AUTS2: variants seen among roughly 807,000 people sequenced by gnomAD.
AUTS2 encodes the protein activator of transcription and developmental regulator AUTS2, also known as autism susceptibility gene 2 protein.
Under a neutral mutation model 112.4 loss-of-function variants are expected in AUTS2, and 17 were observed. The observed-to-expected ratio is 0.15, with a 90% CI of 0.10 to 0.23. AUTS2 has a LOEUF of 0.23. AUTS2 is among the 10% of genes least tolerant of loss of function. The pLI is 1.00. For synonymous variants in AUTS2, 751 were observed against 702.7 expected, an observed-to-expected ratio of 1.07 and a Z score of -1.09; for missense variants, 1,510 against 1,701.6, an observed-to-expected ratio of 0.89 and a Z score of 1.98.
At chr7:70,154,705 A>G (rs1181582011) in intron 4 of AUTS2, among the ~76,000 whole-genome samples, 1 of 152,234 alleles carries the variant, frequency 6.6e-6, no homozygotes, top group Non-Finnish European at 1.5e-5. Flanking sequence ...TGCCACTGGC[A>G]TGAACCATGA....
At chr7:69,630,372 C>T (rs547984116) in intron 1 of AUTS2, among the ~76,000 whole-genome samples, 145 of 152,270 alleles carry the variant, frequency 9.5e-4, no homozygotes, top group Non-Finnish European at 1.6e-3. Flanking sequence ...CTGTGGGAGT[C>T]GGAACTTGTC....
intron 5 of AUTS2, among the ~76,000 whole-genome samples, chr7:70,569,359 CTT>C (rs1490276003): frequency 1.3e-5 from 2 of 152,190 alleles, no homozygotes; most frequent in African/African-American, 2.4e-5. Flanking sequence ...GAATGTAACT[CTT>C]TTAAATTCTT....
At chr7:69,767,074 T>A (rs1376396213) in intron 1 of AUTS2, among the ~76,000 whole-genome samples, 1 of 152,266 alleles carries the variant, frequency 6.6e-6, no homozygotes, top group Non-Finnish European at 1.5e-5. Context: ...CGCACGTTTG[T>A]ACGTGTGTGT....
chr7:70,536,676 G>A (rs1026378444), intron 5 of AUTS2, among the ~76,000 whole-genome samples: 4 of 150,668 alleles, frequency 2.7e-5, no homozygotes, highest in African/African-American at 4.9e-5. Flanking sequence ...TGAGGCGGGC[G>A]GATCACCTGA....
chr7:70,303,432 G>GTGCACACACACA (rs1554361376), intron 4 of AUTS2, among the ~76,000 whole-genome samples: 4 of 103,086 alleles, frequency 3.9e-5, no homozygotes, highest in African/African-American at 1.6e-4. Flanking sequence ...ACGCGCGCGC[G>GTGCACACACACA]CGCACATACA....
intron 5 of AUTS2, among the ~76,000 whole-genome samples, chr7:70,645,407 G>A (rs966683586): frequency 4.6e-5 from 7 of 151,944 alleles, no homozygotes; most frequent in Non-Finnish European, 7.4e-5. Flanking sequence ...GATCCAACCG[G>A]AAGCTGCACC....
intron 2 of AUTS2, among the ~76,000 whole-genome samples, chr7:69,920,469 G>A (rs1246894553): frequency 3.3e-5 from 5 of 151,916 alleles, no homozygotes; most frequent in African/African-American, 1.2e-4. Flanking sequence ...TATTTTCGGG[G>A]GAGGCAGGGT....
intron 5 of AUTS2, among the ~76,000 whole-genome samples, chr7:70,471,304 A>G (rs1290905545): frequency 3.3e-5 from 5 of 152,170 alleles, no homozygotes; most frequent in African/African-American, 1.2e-4. Context: ...GGGAAAAAAA[A>G]GGCATCCAGA....
chr7:69,721,802 A>T (rs1798959382), intron 1 of AUTS2, among the ~76,000 whole-genome samples: 1 of 152,190 alleles, frequency 6.6e-6, no homozygotes, highest in African/African-American at 2.4e-5. Context: ...CTATCAAAGC[A>T]GGGTGAGTGA....
intron 5 of AUTS2, among the ~76,000 whole-genome samples, chr7:70,454,693 C>T (rs1796664551): frequency 6.6e-6 from 1 of 152,210 alleles, no homozygotes; most frequent in African/African-American, 2.4e-5. Flanking sequence ...TGATAAACCA[C>T]CATCGCCTTT....
At chr7:69,931,217 A>G (rs1796216000) in intron 2 of AUTS2, among the ~76,000 whole-genome samples, 1 of 152,048 alleles carries the variant, frequency 6.6e-6, no homozygotes, top group Admixed American at 6.6e-5. Context: ...CCATTCTTAC[A>G]TCTCCAGAAC....
intron 4 of AUTS2, among the ~76,000 whole-genome samples, chr7:70,409,714 T>C (rs1006204056): frequency 2.0e-5 from 3 of 152,218 alleles, no homozygotes; most frequent in Admixed American, 6.5e-5. Flanking sequence ...TATACTAAAA[T>C]TTCTAAAGCA....
chr7:70,669,268 G>A (rs752339510), intron 5 of AUTS2, among the ~76,000 whole-genome samples: 6 of 152,198 alleles, frequency 3.9e-5, no homozygotes, highest in Non-Finnish European at 8.8e-5. Flanking sequence ...TTGCAGGTTC[G>A]TTCATTACCC....
chr7:69,763,700 A>C (rs190152996), intron 1 of AUTS2, among the ~76,000 whole-genome samples: 1 of 152,192 alleles, frequency 6.6e-6, no homozygotes, highest in African/African-American at 2.4e-5. Flanking sequence ...AAGAATCCCT[A>C]CTTCATAGGG....
intron 1 of AUTS2, among the ~76,000 whole-genome samples, chr7:69,600,309 C>T (rs1434544604): frequency 1.3e-5 from 2 of 152,088 alleles, no homozygotes; most frequent in African/African-American, 4.8e-5. Context: ...CCTTCCTCCT[C>T]TCCCTCCCCA....
chr7:70,709,814 G>A (rs888383811), intron 6 of AUTS2, among the ~76,000 whole-genome samples: 2 of 152,200 alleles, frequency 1.3e-5, no homozygotes, highest in Non-Finnish European at 2.9e-5. Flanking sequence ...TGAACACTTA[G>A]CATTCAAAAG....
intron 5 of AUTS2, among the ~76,000 whole-genome samples, chr7:70,573,036 C>T (rs749930690): frequency 2.6e-5 from 4 of 152,144 alleles, no homozygotes; most frequent in African/African-American, 7.2e-5. Flanking sequence ...TGATGGACTT[C>T]GACTCTTCGG....
intron 2 of AUTS2, among the ~76,000 whole-genome samples, chr7:69,989,312 G>A (rs1168748317): frequency 6.6e-6 from 1 of 152,158 alleles, no homozygotes; most frequent in African/African-American, 2.4e-5. Flanking sequence ...ACGCTGTTAA[G>A]AAAATGCTGG....
chr7:70,528,067 G>A (rs546049432), intron 5 of AUTS2, among the ~76,000 whole-genome samples: 6 of 147,788 alleles, frequency 4.1e-5, no homozygotes, highest in Non-Finnish European at 7.5e-5. Context: ...TCCCTAAAGA[G>A]ACTTGAAGTT....
Sources: allele counts gnomAD v4.1 joint callset (sites outside exome capture counted in the v4.1 genomes callset), GRCh38; gene constraint gnomAD v4.1.1; transcripts MANE v1.5; gene names NCBI Gene and HGNC (gene_info 2026-07-23, HGNC 2026-07-21).